Variants in RBPJ observed in about 807,000 individuals in gnomAD.
RBPJ encodes recombination signal binding protein for immunoglobulin kappa J region, also known as recombining binding protein suppressor of hairless.
A neutral mutation model predicts 67.8 loss-of-function variants in RBPJ; 9 were observed. The ratio of observed to expected loss-of-function variants is 0.13; its 90% CI spans 0.08 to 0.23. RBPJ has a LOEUF of 0.23. Ranked by LOEUF, RBPJ falls within the 10% of genes least tolerant of loss-of-function variation. The pLI is 1.00. For missense variants in RBPJ, 305 were observed against 595.6 expected, an observed-to-expected ratio of 0.51 and a Z score of 5.08; for synonymous variants, 198 against 203.3, an observed-to-expected ratio of 0.97 and a Z score of 0.22.
At chr4:26,313,170 G>A (rs1364582900) in intron 1 of RBPJ, among the ~76,000 whole-genome samples, 1 of 152,162 alleles carries the variant, frequency 6.6e-6, no homozygotes, top group Non-Finnish European at 1.5e-5. Flanking sequence ...TGATCTGCCT[G>A]TCTTAGCCTC....
chr4:26,108,008 T>C, the RBPJ span, among the ~76,000 whole-genome samples: 1 of 152,224 alleles, frequency 6.6e-6, no homozygotes, highest in Non-Finnish European at 1.5e-5. Context: ...CAGCAAATTA[T>C]TTTTTATTTC....
At position 26,393,144 on chromosome 4, in the gene RBPJ, G is replaced by C. The variant is rs566700570; in HGVS notation, c.59+6753G>C. Among the ~76,000 whole-genome samples, 8 of 152,226 alleles carry C rather than the reference G, an allele frequency of 5.3e-5. No individual in the cohort carries two copies. The South Asian group carries it at 1.5e-3, about 28-fold the overall frequency. On this transcript the variant is annotated intron_variant, in intron 2 of 10. Coordinates refer to ENST00000355476, the MANE Select transcript of RBPJ (RefSeq NM_015874.6). Reference sequence around the variant, plus strand: ...TTACAGGTGTGAGCCACCACGCCTGGCTTCAGGTGAGTTTTATTTCTTTTT... The same window carrying C: ...TTACAGGTGTGAGCCACCACGCCTGCCTTCAGGTGAGTTTTATTTCTTTTT...
At chr4:26,308,360 A>G (rs923988134) in intron 1 of RBPJ, among the ~76,000 whole-genome samples, 3 of 152,216 alleles carry the variant, frequency 2.0e-5, no homozygotes, top group African/African-American at 7.2e-5. Flanking sequence ...AGACAGACCT[A>G]TTGTATAAAA....
chr4:26,365,844 T>G (rs1021667425), intron 1 of RBPJ, among the ~76,000 whole-genome samples: 2 of 144,948 alleles, frequency 1.4e-5, no homozygotes, highest in South Asian at 4.1e-4. Context: ...GAATAGAGAG[T>G]AGAAGAACAT....
intron 1 of RBPJ, among the ~76,000 whole-genome samples, chr4:26,289,384 C>CAAAAAAAAAAAAAAAAAAAAAAAAAAA (rs60159669): frequency 5.1e-4 from 40 of 78,310 alleles, no homozygotes; most frequent in African/African-American, 1.8e-3. Flanking sequence ...GACTTGGTCT[C>CAAAAAAAAAAAAAAAAAAAAAAAAAAA]AAAAAAAAAA....
chr4:26,359,820 T>TA (rs1197473532), intron 1 of RBPJ: 1 of 152,254 alleles, frequency 6.6e-6, no homozygotes, highest in African/African-American at 2.4e-5. Context: ...TCGTTTCAGA[T>TA]TATTATATGA....
intron 2 of RBPJ, among the ~76,000 whole-genome samples, chr4:26,386,995 GAT>G (rs201382195): frequency 3.3e-5 from 5 of 150,894 alleles, no homozygotes; most frequent in East Asian, 1.9e-4. Flanking sequence ...AAGAAAATGA[GAT>G]ATATATATAT....
chr4:26,412,314 C>G (rs1220062275), intron 3 of RBPJ, among the ~76,000 whole-genome samples: 2 of 152,084 alleles, frequency 1.3e-5, no homozygotes, highest in South Asian at 4.1e-4. Flanking sequence ...CTCGCTGCAA[C>G]CCCACCTACT....
chr4:26,431,741 A>G lies in RBPJ; in HGVS notation c.*734A>G, dbSNP rs1292420576. ...GAAGTCTGTGCAAAAGCTTTAAAAA[A>G]ATGCCTCTGCCTTGCCTGCAATACA... On this transcript the variant is annotated 3_prime_UTR_variant, in exon 11 of 11. Coordinates refer to ENST00000355476, the MANE Select transcript of RBPJ (RefSeq NM_015874.6). 6 of 152,144 alleles carry G rather than the reference A, an allele frequency of 3.9e-5. No individual in the cohort carries two copies. The highest frequency in any genetic ancestry group is 1.2e-4 in the African/African-American group (5 of 41,442). The allele number at this position is 152,144 out of a possible 1,614,324, so 9.4% of individuals were successfully genotyped here.
chr4:26,157,938 T>TACC, the RBPJ span, among the ~76,000 whole-genome samples: 1 of 152,192 alleles, frequency 6.6e-6, no homozygotes, highest in Non-Finnish European at 1.5e-5. Flanking sequence ...TCAATTGAGC[T>TACC]ACCAGATAGC....
the RBPJ span, among the ~76,000 whole-genome samples, chr4:26,145,854 GA>G: frequency 5.9e-5 from 9 of 152,178 alleles, no homozygotes; most frequent in African/African-American, 2.2e-4. Flanking sequence ...TGATACCAAA[GA>G]AAATCATCAA....
intron 2 of RBPJ, among the ~76,000 whole-genome samples, chr4:26,397,555 A>G (rs1474453743): frequency 6.6e-6 from 1 of 152,224 alleles, no homozygotes; most frequent in Non-Finnish European, 1.5e-5. Flanking sequence ...TGTAGCGTCA[A>G]GTAGTATATA....
At chr4:26,148,351 CG>C in the RBPJ span, among the ~76,000 whole-genome samples, 1 of 152,086 alleles carries the variant, frequency 6.6e-6, no homozygotes, top group Non-Finnish European at 1.5e-5. Flanking sequence ...TGGTGTGTTT[CG>C]GAGAGGTCAG....
At chr4:26,282,924 CTTTTTTTTTTTTTT>C (rs67501530) in intron 1 of RBPJ, among the ~76,000 whole-genome samples, 3 of 61,646 alleles carry the variant, frequency 4.9e-5, no homozygotes, top group Non-Finnish European at 8.2e-5. Context: ...AGTGTAGATT[CTTTTTTTTTTTTTT>C]TTTTTTTTTT....
At chr4:26,426,667 C>G (rs187541154) in intron 7 of RBPJ, among the ~76,000 whole-genome samples, 3 of 152,032 alleles carry the variant, frequency 2.0e-5, no homozygotes, top group Admixed American at 6.6e-5. Context: ...ATTGGAGGAG[C>G]GCTTAGAGAG....
chr4:26,269,640 T>G (rs1577374453), intron 1 of RBPJ, among the ~76,000 whole-genome samples: 1 of 152,144 alleles, frequency 6.6e-6, no homozygotes, highest in East Asian at 1.9e-4. Flanking sequence ...CTTCACCTGC[T>G]CAAAGACAGG....
the RBPJ span, among the ~76,000 whole-genome samples, chr4:26,133,976 G>A: frequency 2.0e-5 from 3 of 152,000 alleles, no homozygotes. Flanking sequence ...GACTGTCAGA[G>A]GGAGCTGCAT....
At chr4:26,363,431 C>T (rs1313537874) in intron 1 of RBPJ, among the ~76,000 whole-genome samples, 1 of 151,790 alleles carries the variant, frequency 6.6e-6, no homozygotes, top group Non-Finnish European at 1.5e-5. Context: ...AGCCACTGTG[C>T]CCAGCCTATT....
intron 1 of RBPJ, among the ~76,000 whole-genome samples, 196 bp from the exon 2 acceptor site, chr4:26,386,157 G>A (rs547868786): frequency 6.6e-6 from 1 of 152,194 alleles, no homozygotes; most frequent in South Asian, 2.1e-4. Flanking sequence ...CTTACTTAGG[G>A]CATGTTGTTT....
Sources: allele counts gnomAD v4.1 joint callset (sites outside exome capture counted in the v4.1 genomes callset), GRCh38; gene constraint gnomAD v4.1.1; transcripts MANE v1.5; gene names NCBI Gene and HGNC (gene_info 2026-07-23, HGNC 2026-07-21).